PCDH9: variants seen among roughly 807,000 people sequenced by gnomAD.
The protein encoded by PCDH9 is protocadherin-9.
Under a neutral mutation model 70.6 loss-of-function variants are expected in PCDH9, and 24 were observed. That is an observed-to-expected ratio of 0.34 (90% CI 0.25 to 0.48). The LOEUF (loss-of-function observed/expected upper bound fraction) is 0.48. Among genes scored for constraint, PCDH9 ranks in the 20% least tolerant of loss-of-function variants. The probability of loss-of-function intolerance (pLI) is 0.99; values close to 1 mark genes in which losing one functional copy is unlikely to be tolerated. For synonymous variants in PCDH9, 562 were observed against 558.5 expected, an observed-to-expected ratio of 1.01 and a Z score of -0.09; for missense variants, 1,281 against 1,503.6, an observed-to-expected ratio of 0.85 and a Z score of 2.45.
intron 3 of PCDH9, among the ~76,000 whole-genome samples, chr13:66,825,652 G>C (rs138129167): frequency 3.3e-5 from 5 of 152,138 alleles, no homozygotes; most frequent in Non-Finnish European, 7.4e-5. Context: ...TTTAAAAACT[G>C]TAATACAAGT....
intron 2 of PCDH9, among the ~76,000 whole-genome samples, chr13:67,057,357 A>G (rs1305376589): frequency 6.6e-6 from 1 of 151,860 alleles, no homozygotes; most frequent in Non-Finnish European, 1.5e-5. Flanking sequence ...ACCAAAGAGA[A>G]GCATGACCTT....
At chr13:66,911,673 C>T (rs2082469581) in intron 2 of PCDH9, among the ~76,000 whole-genome samples, 2 of 152,132 alleles carry the variant, frequency 1.3e-5, no homozygotes, top group Admixed American at 6.6e-5. Flanking sequence ...TATTACCTTA[C>T]TGTAAAGCCA....
chr13:66,725,185 T>C (rs2078990107), intron 3 of PCDH9, among the ~76,000 whole-genome samples: 3 of 152,200 alleles, frequency 2.0e-5, no homozygotes, highest in Admixed American at 2.0e-4. Context: ...ATGCCCTCCA[T>C]CTAATTCAAC....
chr13:66,967,582 A>G (rs2083451169), intron 2 of PCDH9, among the ~76,000 whole-genome samples: 1 of 152,058 alleles, frequency 6.6e-6, no homozygotes, highest in Admixed American at 6.6e-5. Context: ...AAGTTTACCC[A>G]AATCCATAGA....
chr13:67,083,666 G>C (rs934173245), intron 2 of PCDH9, among the ~76,000 whole-genome samples: 4 of 152,128 alleles, frequency 2.6e-5, no homozygotes, highest in Admixed American at 1.3e-4. Context: ...GAGCCTTAAG[G>C]CCTCCCTAAA....
chr13:66,642,456 C>G (rs767278255), intron 3 of PCDH9, among the ~76,000 whole-genome samples: 1 of 151,814 alleles, frequency 6.6e-6, no homozygotes, highest in Non-Finnish European at 1.5e-5. Flanking sequence ...AAAAACACAT[C>G]CTGAATTAAC....
At chr13:66,976,845 T>G (rs2083630203) in intron 2 of PCDH9, among the ~76,000 whole-genome samples, 1 of 152,168 alleles carries the variant, frequency 6.6e-6, no homozygotes. Flanking sequence ...TTTACCTTTG[T>G]TTTTATCCAT....
chr13:66,608,396 T>A (rs562486494), intron 4 of PCDH9, among the ~76,000 whole-genome samples: 1 of 152,290 alleles, frequency 6.6e-6, no homozygotes, highest in South Asian at 2.1e-4. Flanking sequence ...CACATACTTA[T>A]GTTCACACAC....
At chr13:66,803,987 T>G (rs747707695) in intron 3 of PCDH9, among the ~76,000 whole-genome samples, 2 of 152,142 alleles carry the variant, frequency 1.3e-5, no homozygotes, top group African/African-American at 4.8e-5. Context: ...CTAGAACAAC[T>G]CAGCCTTGAG....
At chr13:66,642,341 G>T (rs901994008) in intron 3 of PCDH9, among the ~76,000 whole-genome samples, 1 of 151,826 alleles carries the variant, frequency 6.6e-6, no homozygotes, top group Non-Finnish European at 1.5e-5. Context: ...GGCTATGTTT[G>T]GTGCTATGTA....
intron 3 of PCDH9, among the ~76,000 whole-genome samples, chr13:66,834,975 A>G (rs2080991663): frequency 6.6e-6 from 1 of 152,236 alleles, no homozygotes; most frequent in African/African-American, 2.4e-5. Flanking sequence ...TTTTAAACTT[A>G]AAAACAATAA....
chr13:66,593,161 T>C (rs955890380), intron 4 of PCDH9, among the ~76,000 whole-genome samples: 8 of 151,702 alleles, frequency 5.3e-5, no homozygotes, highest in Non-Finnish European at 7.4e-5. Flanking sequence ...TTTTGGTATA[T>C]GATTAGATGC....
chr13:66,499,885 G>A (rs1369139721), intron 4 of PCDH9, among the ~76,000 whole-genome samples: 1 of 152,124 alleles, frequency 6.6e-6, no homozygotes, highest in Non-Finnish European at 1.5e-5. Context: ...AGAGAGCCTG[G>A]CATCTTTCTT....
At chr13:66,986,168 T>C (rs188692629) in intron 2 of PCDH9, among the ~76,000 whole-genome samples, 6 of 152,062 alleles carry the variant, frequency 3.9e-5, no homozygotes, top group African/African-American at 1.4e-4. Flanking sequence ...GGAAAAGTGC[T>C]GATCCAAGGG....
intron 4 of PCDH9, among the ~76,000 whole-genome samples, chr13:66,485,575 G>A (rs1214967547): frequency 2.6e-5 from 4 of 151,796 alleles, no homozygotes; most frequent in Non-Finnish European, 2.9e-5. Context: ...AATGCATACA[G>A]GTATGTGTAC....
At chr13:67,187,247 C>T (rs1315922282) in intron 2 of PCDH9, among the ~76,000 whole-genome samples, 1 of 152,136 alleles carries the variant, frequency 6.6e-6, no homozygotes, top group Non-Finnish European at 1.5e-5. Flanking sequence ...CCTCTCTGAT[C>T]CTCCTAGTAA....
At chr13:66,456,304 C>T (rs1958315221) in intron 4 of PCDH9, among the ~76,000 whole-genome samples, 1 of 152,026 alleles carries the variant, frequency 6.6e-6, no homozygotes, top group South Asian at 2.1e-4. Flanking sequence ...TGTGTTGTCC[C>T]AGCCTGGAGT....
chr13:67,144,503 A>C (rs2087473198), intron 2 of PCDH9, among the ~76,000 whole-genome samples: 1 of 152,158 alleles, frequency 6.6e-6, no homozygotes, highest in Non-Finnish European at 1.5e-5. Context: ...TCACACTGAG[A>C]AATAGCTATC....
Position 67,225,614 on chromosome 13 carries a change from A to T in PCDH9, c.2827T>A (p.Ser943Thr). 6.2e-7 allele frequency: 1 copy of T among 1,614,086 alleles called. No homozygotes were observed. The highest frequency in any genetic ancestry group is 8.5e-7 in the Non-Finnish European group (1 of 1,180,008). ...TTGAGATGAAAAGCAGGCTGTGGAG[A>T]AGCAGATTTGTAGTGCTTGGCCAGG... ...PDLAKHYKSA[S>T]PQPAFHLKPD... The change falls in exon 2 of 5, where the codon TCT (serine) becomes ACT (threonine). Residue 943 changes from serine (S) to threonine (T), a missense_variant. By Grantham distance (58) the Ser-to-Thr change is moderately conservative (BLOSUM62 1). Transcript: ENST00000377865.
Sources: gnomAD v4.1 joint callset for allele counts (sites outside exome capture counted in the v4.1 genomes callset) on GRCh38, gnomAD v4.1.1 for gene constraint, MANE v1.5 for transcripts, NCBI Gene and HGNC (gene_info 2026-07-23, HGNC 2026-07-21) for gene names.